The following PCCA variants were observed in gnomAD, a reference collection of about 807,000 sequenced individuals.
The protein encoded by PCCA is propionyl-CoA carboxylase subunit alpha.
Under a neutral mutation model 101.3 loss-of-function variants are expected in PCCA, and 74 were observed. The ratio of observed to expected loss-of-function variants is 0.73; its 90% confidence interval spans 0.61 to 0.89. The LOEUF is 0.89. Among genes scored for constraint, PCCA ranks in the 40% least tolerant of loss-of-function variants. PCCA has a pLI of 0.00. For missense variants in PCCA, 891 were observed against 907.0 expected, an observed-to-expected ratio of 0.98 and a Z score of 0.23; for synonymous variants, 294 against 313.6, an observed-to-expected ratio of 0.94 and a Z score of 0.66.
intron 6 of PCCA, among the ~76,000 whole-genome samples, chr13:100,200,441 C>G (rs1393621533): frequency 1.3e-5 from 2 of 152,216 alleles, no homozygotes; most frequent in Middle Eastern, 3.4e-3. Flanking sequence ...TTCAAAATGC[C>G]TTGGCTTCTT....
At position 100,112,047 on chromosome 13, in the gene PCCA, G is replaced by A. The variant is rs1041556430; in HGVS notation, c.286G>A (p.Val96Ile). The A allele has an allele frequency of 6.2e-7, 1 of 1,609,616 alleles. No individual in the cohort carries two copies. The highest frequency in any genetic ancestry group is 1.7e-5 in the Admixed American group (1 of 60,018). ...GIKTVAIHSDVDASSVHVKMA... is the reference protein window; with the variant it reads ...GIKTVAIHSDIDASSVHVKMA... Reference sequence around the variant, plus strand: ...TAAGACAGTTGCCATCCACAGTGATGTTGATGCTAGTTCTGTAAGTATATT... The same window carrying A: ...TAAGACAGTTGCCATCCACAGTGATATTGATGCTAGTTCTGTAAGTATATT... The change falls in exon 4 of 24, where the codon GTT becomes ATT. Residue 96 changes from valine (V) to isoleucine (I), a missense_variant. Coordinates refer to ENST00000376285, the MANE Select transcript of PCCA (RefSeq NM_000282.4).
intron 18 of PCCA, among the ~76,000 whole-genome samples, chr13:100,350,065 G>A (rs2073073376): frequency 6.6e-6 from 1 of 152,062 alleles, no homozygotes; most frequent in African/African-American, 2.4e-5. Flanking sequence ...AAAGTTTAAG[G>A]TTTTTGAAAT....
chr13:100,169,073 T>C (rs947526447), intron 6 of PCCA, among the ~76,000 whole-genome samples: 3 of 152,138 alleles, frequency 2.0e-5, no homozygotes, highest in African/African-American at 7.2e-5. Flanking sequence ...CTGAAGTAAT[T>C]TAGAAACAAA....
At chr13:100,404,614 G>A (rs929046389) in intron 19 of PCCA, among the ~76,000 whole-genome samples, 7 of 152,138 alleles carry the variant, frequency 4.6e-5, no homozygotes. Context: ...CAGGGTTAGT[G>A]AGGGAGAGAA....
chr13:100,417,654 A>G (rs1483490761), intron 19 of PCCA, among the ~76,000 whole-genome samples: 1 of 152,032 alleles, frequency 6.6e-6, no homozygotes, highest in Non-Finnish European at 1.5e-5. Flanking sequence ...TCCAGCCTCC[A>G]TTATTTCTAA....
chr13:100,314,734 C>T (rs1402593715), intron 16 of PCCA, among the ~76,000 whole-genome samples: 2 of 152,182 alleles, frequency 1.3e-5, no homozygotes, highest in Non-Finnish European at 2.9e-5. Context: ...TTCTTCTCTT[C>T]AAACATGTCA....
intron 6 of PCCA, among the ~76,000 whole-genome samples, chr13:100,170,545 CAG>C (rs2055528334): frequency 1.3e-5 from 2 of 152,212 alleles, no homozygotes; most frequent in Admixed American, 1.3e-4. Flanking sequence ...GTTCCAAGCA[CAG>C]AGTATTCTTT....
At chr13:100,231,466 A>G (rs1166150659) in intron 7 of PCCA, among the ~76,000 whole-genome samples, 5 of 152,132 alleles carry the variant, frequency 3.3e-5, no homozygotes, top group Admixed American at 3.3e-4. Flanking sequence ...AAACCAGCCT[A>G]GGGAGTTCAA....
Position 100,470,246 on chromosome 13 carries a change from G to T in PCCA, c.1899+20941G>T, listed in dbSNP as rs7324156. ...ACATTTTTATCAGTGAAGTGGAAGC[G>T]TGTGTTTTGGGTTTTTTTGGGGAAT... On this transcript the variant is annotated intron_variant, in intron 21 of 23. Transcript: ENST00000376285. Among the ~76,000 whole-genome samples, 1,443 of 145,480 alleles carry T rather than the reference G, an allele frequency of 9.9e-3. 22 individuals are homozygous for T. Among genetic ancestry groups the T allele is most frequent in the African/African-American group, 0.032 (1,334 of 41,398 alleles).
intron 8 of PCCA, among the ~76,000 whole-genome samples, chr13:100,252,449 T>C (rs983526029): frequency 6.6e-6 from 1 of 152,150 alleles, no homozygotes; most frequent in African/African-American, 2.4e-5. Context: ...CCTTTCCCAT[T>C]AGTATATTCT....
At chr13:100,238,137 A>G (rs1179569797) in intron 8 of PCCA, among the ~76,000 whole-genome samples, 1 of 151,636 alleles carries the variant, frequency 6.6e-6, no homozygotes, top group Non-Finnish European at 1.5e-5. Context: ...ACGGGGTTTC[A>G]CCATACTGGC....
chr13:100,180,365 C>A (rs2056681250), intron 6 of PCCA, among the ~76,000 whole-genome samples: 1 of 152,190 alleles, frequency 6.6e-6, no homozygotes, highest in Non-Finnish European at 1.5e-5. Flanking sequence ...AAGCTATCTT[C>A]TAATTTATAC....
intron 19 of PCCA, among the ~76,000 whole-genome samples, chr13:100,380,711 A>G (rs1180009351): frequency 6.6e-6 from 1 of 152,222 alleles, no homozygotes; most frequent in Non-Finnish European, 1.5e-5. Flanking sequence ...AGACCTAAAT[A>G]TAAGAGGCAA....
intron 16 of PCCA, among the ~76,000 whole-genome samples, chr13:100,324,477 C>T (rs367761654): frequency 7.9e-5 from 12 of 151,790 alleles, no homozygotes; most frequent in Admixed American, 2.0e-4. Context: ...TCTATAGCCT[C>T]GAAGTACCAA....
rs144069390 is a variant in PCCA at position 100,240,439 on chromosome 13, C to A, written c.637+4561C>A. ...GGACCTAGCAGACTCTTGCTGATAT[C>A]TTCACAAAAATAGCTCCTTGCAGTC... On this transcript the variant is annotated intron_variant, in intron 8 of 23. Transcript: ENST00000376285. Among the ~76,000 whole-genome samples, 14 of 151,208 alleles carry A rather than the reference C, an allele frequency of 9.3e-5. No homozygotes were observed. The East Asian group carries it at 2.5e-3, about 27-fold the overall frequency.
intron 16 of PCCA, among the ~76,000 whole-genome samples, chr13:100,328,612 G>T (rs1317830380): frequency 6.7e-6 from 1 of 148,500 alleles, no homozygotes; most frequent in Non-Finnish European, 1.5e-5. Flanking sequence ...ATTTTCTACT[G>T]TAGTTATGAA....
At chr13:100,089,984 G>T (rs2046129352) in intron 1 of PCCA, among the ~76,000 whole-genome samples, 1 of 152,030 alleles carries the variant, frequency 6.6e-6, no homozygotes, top group African/African-American at 2.4e-5. Context: ...TAATTCTGGG[G>T]CACAGACCAC....
chr13:100,267,448 T>C (rs1442279379), intron 10 of PCCA, among the ~76,000 whole-genome samples: 1 of 152,188 alleles, frequency 6.6e-6, no homozygotes, highest in Non-Finnish European at 1.5e-5. Flanking sequence ...TTACCAATTA[T>C]AGCCATGATC....
At chr13:100,413,634 G>A (rs1006258870) in intron 19 of PCCA, among the ~76,000 whole-genome samples, 11 of 152,138 alleles carry the variant, frequency 7.2e-5, no homozygotes, top group African/African-American at 2.4e-4. Flanking sequence ...ACTAGGTGCT[G>A]TTCTAAGGGC....
Sources: gnomAD v4.1 joint callset for allele counts (sites outside exome capture counted in the v4.1 genomes callset) on GRCh38, gnomAD v4.1.1 for gene constraint, MANE v1.5 for transcripts, NCBI Gene and HGNC (gene_info 2026-07-23, HGNC 2026-07-21) for gene names.